COBL: variants seen among roughly 807,000 people sequenced by gnomAD.
The protein encoded by COBL is cordon-bleu WH2 repeat protein.
Under a neutral mutation model 98.8 loss-of-function variants are expected in COBL, and 51 were observed. The ratio of observed to expected loss-of-function variants is 0.52; its 90% CI spans 0.41 to 0.65. The LOEUF is 0.65. COBL is among the 30% of genes least tolerant of loss of function. COBL has a pLI of 0.00. For missense variants in COBL, 1,617 were observed against 1,617.5 expected (o/e 1.00, Z 0.01); for synonymous variants, 634 against 651.7 (o/e 0.97, Z 0.41).
chr7:51,259,834 T>G (rs1797558417), intron 1 of COBL: 1 of 754,686 alleles, frequency 1.3e-6, no homozygotes, highest in Admixed American at 1.7e-5. Flanking sequence ...AAATTTTCTT[T>G]AGGCGAAGTC....
intron 6 of COBL, among the ~76,000 whole-genome samples, chr7:51,088,871 G>C (rs1794538297): frequency 2.0e-5 from 3 of 152,190 alleles, no homozygotes; most frequent in Non-Finnish European, 4.4e-5. Context: ...ACTCTGGTGA[G>C]AGGGCCTTGA....
chr7:51,028,587 G>C lies in COBL; in HGVS notation c.2509C>G (p.Pro837Ala). Residue 837 changes from proline to alanine, a missense_variant, in exon 10 of 13, where the codon CCC becomes GCC. This residue lies in a region of COBL where 1,304 missense variants were observed against 1,282.0 expected (regional missense o/e 1.02). Coordinates refer to ENST00000265136, the MANE Select transcript of COBL (RefSeq NM_015198.5). The stretch of plus-strand genomic sequence containing the variant: ...CTCACGTGACCCATGCCCATGGTGG[G>C]GGGCTGGTTTCTCCCCTCCCCTAGG... ...NPLGEGRNQP[P>A]TMGMGHVRVP... is the part of the protein sequence containing the mutation. 1 of 1,614,198 alleles carries C rather than the reference G, an allele frequency of 6.2e-7. No homozygotes were observed. Among genetic ancestry groups the C allele is most frequent in the Non-Finnish European group, 8.5e-7 (1 of 1,180,020 alleles).
chr7:51,133,958 A>C (rs1798988665), intron 6 of COBL, among the ~76,000 whole-genome samples: 1 of 152,258 alleles, frequency 6.6e-6, no homozygotes, highest in Non-Finnish European at 1.5e-5. Flanking sequence ...ATACAAAATA[A>C]TATTTTAAAA....
intron 5 of COBL, among the ~76,000 whole-genome samples, chr7:51,143,715 G>A (rs1253362048): frequency 3.9e-5 from 6 of 152,218 alleles, no homozygotes; most frequent in African/African-American, 1.4e-4. Context: ...ACCAAATCAG[G>A]AAGGCTTCCC....
intron 1 of COBL, among the ~76,000 whole-genome samples, chr7:51,255,809 G>C (rs1458651172): frequency 6.6e-6 from 1 of 152,158 alleles, no homozygotes; most frequent in African/African-American, 2.4e-5. Context: ...CGATGCAGGA[G>C]CAATGCAGGC....
chr7:51,195,725 C>A (rs1197148342), intron 2 of COBL, among the ~76,000 whole-genome samples: 1 of 152,066 alleles, frequency 6.6e-6, no homozygotes, highest in East Asian at 1.9e-4. Flanking sequence ...TGGTTAGCTT[C>A]ATTCCTAGGT....
intron 5 of COBL, among the ~76,000 whole-genome samples, chr7:51,146,062 C>A (rs1465721295): frequency 6.6e-6 from 1 of 152,156 alleles, no homozygotes; most frequent in Non-Finnish European, 1.5e-5. Context: ...CATCAGCCAT[C>A]AATATTTTTA....
Position 51,043,017 on chromosome 7 carries a change from T to C in COBL, c.1406+366A>G, listed in dbSNP as rs531587404. 3.3e-5 allele frequency among the ~76,000 whole-genome samples: 5 copies of C among 152,368 alleles called. No individual in the cohort carries two copies. The South Asian group carries it at 1.0e-3, about 32-fold the overall frequency. ...AATAGAGACATATGTTTCTTGCTCA[T>C]TGTTTCTAGCCCTGAAAAACTAGAA... is the stretch of plus-strand genomic sequence containing the variant. On this transcript the variant is annotated intron_variant, in intron 8 of 12. Transcript: ENST00000265136.
chr7:51,232,214 T>C (rs1161151185), intron 1 of COBL, among the ~76,000 whole-genome samples: 2 of 152,238 alleles, frequency 1.3e-5, no homozygotes, highest in African/African-American at 4.8e-5. Context: ...ACCTTCTTCA[T>C]CATCACTTTC....
Position 51,156,213 on chromosome 7 carries a change from A to AG in COBL, c.784-19883_784-19882insC, listed in dbSNP as rs1349859852. 9 of 978,122 alleles carry AG rather than the reference A, an allele frequency of 9.2e-6. No individual in the cohort carries two copies. In the African/African-American group the frequency reaches 1.6e-4, roughly 18 times the overall value. 60.6% of individuals were successfully genotyped at this position (978,122 alleles called of 1,614,324 possible). On this transcript the variant is annotated intron_variant, in intron 5 of 12. Transcript: ENST00000265136. ...CTCTGCACACACACACACACACACA[A>AG]AATTTACAAGCCAAGAAGGCAAATT...
At chr7:51,213,291 T>C (rs1476919581) in intron 2 of COBL, among the ~76,000 whole-genome samples, 1 of 152,154 alleles carries the variant, frequency 6.6e-6, no homozygotes, top group Non-Finnish European at 1.5e-5. Flanking sequence ...AGGTGAGCAG[T>C]GAACAAGTAA....
rs67807746 is a variant in COBL, at chr7:51,187,310, GTATATA to G, written c.686-3117_686-3112del. ...TATATACATATATGTATATGTTTAA[GTATATA>G]TATATATATATATATACACACACAC... is the stretch of plus-strand genomic sequence containing the variant. On this transcript the variant is annotated intron_variant, in intron 4 of 12. Transcript: ENST00000265136. Among the ~76,000 whole-genome samples, 40 of 138,422 alleles carry G rather than the reference GTATATA, an allele frequency of 2.9e-4. No individual in the cohort carries two copies. In the South Asian group the frequency reaches 7.0e-3, roughly 24 times the overall value. The allele number at this position is 138,422 out of a possible 152,430, so 90.8% of individuals were successfully genotyped here. A position where few individuals can be genotyped will look rare whatever the true frequency, so the allele number is the denominator to read the frequency against.
intron 6 of COBL, among the ~76,000 whole-genome samples, chr7:51,121,204 TAGC>T (rs1311666863): frequency 6.6e-6 from 1 of 152,236 alleles, no homozygotes; most frequent in Admixed American, 6.5e-5. Context: ...TTTTTTCTCA[TAGC>T]AGCCATCCTA....
intron 1 of COBL, among the ~76,000 whole-genome samples, chr7:51,231,540 G>C (rs909057176): frequency 1.3e-5 from 2 of 152,200 alleles, no homozygotes; most frequent in East Asian, 3.9e-4. Flanking sequence ...TCTCTGGATC[G>C]GGGAAGTGCA....
intron 6 of COBL, among the ~76,000 whole-genome samples, chr7:51,106,094 C>T (rs1796240528): frequency 6.7e-6 from 1 of 149,954 alleles, no homozygotes; most frequent in African/African-American, 2.5e-5. Flanking sequence ...ATCCCAGCTA[C>T]TCAGGAGGCT....
rs1361921453 is a variant in COBL, at chr7:51,193,606, A to G, written c.246-17T>C. The G allele has an allele frequency of 3.1e-6, 5 of 1,610,262 alleles. No individual in the cohort carries two copies. The Admixed American group carries it at 8.4e-5, about 27-fold the overall frequency. On this transcript the variant is annotated splice_polypyrimidine_tract_variant and intron_variant, in intron 2 of 12. Coordinates refer to ENST00000265136, the MANE Select transcript of COBL (RefSeq NM_015198.5). ...ATCGCATGGCTGAAAAAAGGAAAAC[A>G]AATCATGATTATTAGGAATGACTGC... is the stretch of plus-strand genomic sequence containing the variant.
chr7:51,266,859 G>A (rs534110842), intron 1 of COBL, among the ~76,000 whole-genome samples: 1 of 152,226 alleles, frequency 6.6e-6, no homozygotes, highest in East Asian at 1.9e-4. Context: ...AGTTGCCCTT[G>A]GGAGGAGTCC....
rs58696973 is a variant in COBL, at chr7:51,147,900, G to T, written c.784-11569C>A. On this transcript the variant is annotated intron_variant, in intron 5 of 12. Transcript: ENST00000265136. The stretch of plus-strand genomic sequence containing the variant: ...CAAGTAGCTGGGAATACAGGCACCC[G>T]CCACCACACCCAGCTAAGTTTTTTG... 8.6e-3 allele frequency among the ~76,000 whole-genome samples: 1,310 copies of T among 151,966 alleles called. 19 individuals are homozygous for T. The highest frequency in any genetic ancestry group is 0.03 in the African/African-American group (1,228 of 41,460).
At chr7:51,030,448 G>T (rs1174954710) in intron 9 of COBL, among the ~76,000 whole-genome samples, 4 of 152,206 alleles carry the variant, frequency 2.6e-5, no homozygotes, top group Non-Finnish European at 1.5e-5. Context: ...CTCATTGACA[G>T]ATATGCCATA....
Sources: allele counts gnomAD v4.1 joint callset (sites outside exome capture counted in the v4.1 genomes callset), GRCh38; gene constraint gnomAD v4.1.1; regional missense constraint gnomAD v4.1.1; transcripts MANE v1.5; gene names NCBI Gene and HGNC (gene_info 2026-07-23, HGNC 2026-07-21).